Variants in SPPL3 observed in about 807,000 individuals in gnomAD.
SPPL3 encodes the protein signal peptide peptidase-like 3.
Under a neutral mutation model 42.4 loss-of-function variants are expected in SPPL3, and 5 were observed. The ratio of observed to expected loss-of-function variants is 0.12; its 90% confidence interval spans 0.06 to 0.25. The LOEUF is 0.25. Ranked by LOEUF, SPPL3 falls within the 10% of genes least tolerant of loss-of-function variation. SPPL3 has a pLI of 1.00. For synonymous variants in SPPL3, 195 were observed against 181.8 expected, an observed-to-expected ratio of 1.07 and a Z score of -0.58; for missense variants, 235 against 489.0, an observed-to-expected ratio of 0.48 and a Z score of 4.90.
intron 1 of SPPL3, among the ~76,000 whole-genome samples, chr12:120,833,722 C>A (rs182381557): frequency 1.2e-4 from 17 of 138,218 alleles, no homozygotes; most frequent in Admixed American, 2.1e-4. Context: ...GGAGGAAAAA[C>A]AGATGCATAC....
At chr12:120,832,168 C>T (rs1871446504) in intron 1 of SPPL3, among the ~76,000 whole-genome samples, 1 of 151,998 alleles carries the variant, frequency 6.6e-6, no homozygotes, top group African/African-American at 2.4e-5. Context: ...TCAAAATAAC[C>T]CTGTGACAAC....
At chr12:120,898,086 T>C (rs535227786) in intron 1 of SPPL3, among the ~76,000 whole-genome samples, 8 of 151,470 alleles carry the variant, frequency 5.3e-5, no homozygotes, top group Non-Finnish European at 8.8e-5. Context: ...CCGAGGTGGG[T>C]GGATTGCTTG....
chr12:120,873,730 G>C (rs1292672473), intron 1 of SPPL3, among the ~76,000 whole-genome samples: 1 of 152,032 alleles, frequency 6.6e-6, no homozygotes, highest in East Asian at 1.9e-4. Flanking sequence ...AAATTAGCTG[G>C]GTGTGGTGGC....
At chr12:120,821,279 A>C (rs936039727) in intron 1 of SPPL3, among the ~76,000 whole-genome samples, 2 of 152,226 alleles carry the variant, frequency 1.3e-5, no homozygotes, top group African/African-American at 4.8e-5. Flanking sequence ...TTTTCCTATG[A>C]ATTATCCTCT....
intron 1 of SPPL3, among the ~76,000 whole-genome samples, chr12:120,871,066 G>A (rs1444658833): frequency 7.1e-6 from 1 of 140,130 alleles, no homozygotes; most frequent in Non-Finnish European, 1.5e-5. Flanking sequence ...GGAGGCAGAA[G>A]TTGCAGTGAG....
At chr12:120,882,817 T>C (rs578230401) in intron 1 of SPPL3, among the ~76,000 whole-genome samples, 4 of 152,222 alleles carry the variant, frequency 2.6e-5, no homozygotes, top group South Asian at 2.1e-4. Flanking sequence ...TGCTTGAGGC[T>C]AGGAGTTCAA....
chr12:120,781,555 G>A (rs1219991145), intron 6 of SPPL3, among the ~76,000 whole-genome samples: 4 of 62,994 alleles, frequency 6.3e-5, no homozygotes, highest in Non-Finnish European at 8.7e-5. Context: ...TTATTGTTAC[G>A]TTTTTTTTTT....
intron 1 of SPPL3, among the ~76,000 whole-genome samples, chr12:120,892,129 G>A (rs956377515): frequency 2.6e-5 from 4 of 152,056 alleles, no homozygotes; most frequent in African/African-American, 9.7e-5. Context: ...TATTTTTAGG[G>A]AGACATTCTA....
intron 1 of SPPL3, among the ~76,000 whole-genome samples, chr12:120,889,787 A>G (rs1018779943): frequency 7.4e-6 from 1 of 134,742 alleles, no homozygotes; most frequent in Non-Finnish European, 1.7e-5. Flanking sequence ...TACAAATTAA[A>G]TAGTGATTGT....
chr12:120,852,710 G>GTATATTATATATA (rs1475171536), intron 1 of SPPL3, among the ~76,000 whole-genome samples: 610 of 36,084 alleles, frequency 0.017, 96 homozygotes, highest in South Asian at 0.045. Flanking sequence ...TTACATATAT[G>GTATATTATATATA]AAATATATTT....
Position 120,813,770 on chromosome 12 carries a change from C to A in SPPL3, c.24-2884G>T, listed in dbSNP as rs147291754. Among the ~76,000 whole-genome samples the A allele has an allele frequency of 9.9e-5, 15 of 152,186 alleles. No individual in the cohort carries two copies. The East Asian group carries it at 2.9e-3, about 29-fold the overall frequency. On this transcript the variant is annotated intron_variant, in intron 1 of 10. Coordinates refer to ENST00000353487, the MANE Select transcript of SPPL3 (RefSeq NM_139015.5). Reference sequence around the variant, plus strand: ...AAATCCAACTCAGAGTAACTCAACCCATCAGAAACTGCCAATCAAACCTAA... The same window carrying A: ...AAATCCAACTCAGAGTAACTCAACCAATCAGAAACTGCCAATCAAACCTAA...
intron 1 of SPPL3, among the ~76,000 whole-genome samples, chr12:120,884,054 T>A (rs1346295494): frequency 6.9e-6 from 1 of 145,876 alleles, no homozygotes; most frequent in African/African-American, 2.6e-5. Context: ...TGAGCTGAGA[T>A]CACGCTACTG....
At chr12:120,846,853 G>A (rs374733796) in intron 1 of SPPL3, among the ~76,000 whole-genome samples, 18 of 152,294 alleles carry the variant, frequency 1.2e-4, no homozygotes, top group African/African-American at 4.1e-4. Flanking sequence ...CCAGATAGAG[G>A]GCAGGAAGAA....
At chr12:120,838,537 C>T (rs1477517633) in intron 1 of SPPL3, among the ~76,000 whole-genome samples, 1 of 152,192 alleles carries the variant, frequency 6.6e-6, no homozygotes, top group Non-Finnish European at 1.5e-5. Context: ...TTGGCTGAAG[C>T]CAGATTTACC....
intron 1 of SPPL3, among the ~76,000 whole-genome samples, chr12:120,889,098 G>A (rs1593012962): frequency 6.6e-6 from 1 of 152,146 alleles, no homozygotes; most frequent in African/African-American, 2.4e-5. Context: ...ACAGGCATGA[G>A]CCACCACACC....
chr12:120,896,098 TAA>T (rs1408629035), intron 1 of SPPL3, among the ~76,000 whole-genome samples: 3 of 152,174 alleles, frequency 2.0e-5, no homozygotes, highest in African/African-American at 7.2e-5. Context: ...AAAAGAGAGA[TAA>T]CTAAGTTTTC....
At chr12:120,859,848 CAGG>C (rs1872575916) in intron 1 of SPPL3, among the ~76,000 whole-genome samples, 1 of 152,058 alleles carries the variant, frequency 6.6e-6, no homozygotes, top group African/African-American at 2.4e-5. Flanking sequence ...GAGGCTGAGG[CAGG>C]AGAACTGCTT....
At chr12:120,825,391 G>C (rs189710405) in intron 1 of SPPL3, among the ~76,000 whole-genome samples, 254 of 152,228 alleles carry the variant, frequency 1.7e-3, no homozygotes, top group African/African-American at 5.8e-3. Context: ...TGTGAGTTAG[G>C]AAACACTAAA....
chr12:120,818,452 G>C (rs79743955), intron 1 of SPPL3, among the ~76,000 whole-genome samples: 1 of 152,168 alleles, frequency 6.6e-6, no homozygotes, highest in African/African-American at 2.4e-5. Flanking sequence ...TAAACCCTAA[G>C]ATTTTTAGAA....
Sources: gnomAD v4.1 joint callset for allele counts (sites outside exome capture counted in the v4.1 genomes callset) on GRCh38, gnomAD v4.1.1 for gene constraint, MANE v1.5 for transcripts, NCBI Gene and HGNC (gene_info 2026-07-23, HGNC 2026-07-21) for gene names.